Variants in PDCL2 observed in about 807,000 individuals in gnomAD.
PDCL2 encodes phosducin-like protein 2.
In PDCL2, 23 loss-of-function variants were observed where a neutral mutation model predicts 30.3. The observed-to-expected ratio is 0.76, with a 90% CI of 0.55 to 1.08. PDCL2 has a LOEUF of 1.08. Ranked by LOEUF, PDCL2 falls within the 50% of genes least tolerant of loss-of-function variation. The pLI is 0.00. For missense variants in PDCL2, 243 were observed against 282.3 expected (o/e 0.86, Z 1.00); for synonymous variants, 68 against 86.2 (o/e 0.79, Z 1.17).
chr4:55,591,401 T>G (rs1305386517), intron 1 of PDCL2, among the ~76,000 whole-genome samples: 2 of 152,006 alleles, frequency 1.3e-5, no homozygotes, highest in Non-Finnish European at 2.9e-5. Context: ...GTTTGTTTGT[T>G]TGTTCTGAGG....
chr4:55,573,644 C>T (rs990339569), intron 3 of PDCL2, among the ~76,000 whole-genome samples: 16 of 151,644 alleles, frequency 1.1e-4, no homozygotes, highest in Non-Finnish European at 1.8e-4. Flanking sequence ...CCAGCTACTC[C>T]AGAGACTGAG....
intron 5 of PDCL2, among the ~76,000 whole-genome samples, chr4:55,558,211 T>C (rs1732029686): frequency 6.6e-6 from 1 of 152,076 alleles, no homozygotes; most frequent in African/African-American, 2.4e-5. Flanking sequence ...AGTAGACACA[T>C]TCCTGATATG....
chr4:55,578,084 T>A (rs552714037), intron 3 of PDCL2, among the ~76,000 whole-genome samples: 3 of 152,300 alleles, frequency 2.0e-5, no homozygotes, highest in African/African-American at 4.8e-5. Flanking sequence ...GCCTGCATCT[T>A]CCCCGGAGTA....
At chr4:55,559,065 C>T (rs1560497946) in intron 5 of PDCL2, among the ~76,000 whole-genome samples, 1 of 152,124 alleles carries the variant, frequency 6.6e-6, no homozygotes, top group South Asian at 2.1e-4. Context: ...CACATTTAAA[C>T]AATGAAATGA....
chr4:55,578,079 CA>C (rs1384472716), intron 3 of PDCL2, among the ~76,000 whole-genome samples: 11 of 152,144 alleles, frequency 7.2e-5, no homozygotes, highest in African/African-American at 2.7e-4. Flanking sequence ...TTTGAGCCTG[CA>C]TCTTCCCCGG....
chr4:55,585,989 AT>A (rs898459507), intron 1 of PDCL2, among the ~76,000 whole-genome samples: 3 of 151,672 alleles, frequency 2.0e-5, no homozygotes, highest in Non-Finnish European at 2.9e-5. Context: ...GATTTTCTTG[AT>A]TTTTTCTATT....
chr4:55,558,513 A>G (rs1732043392), intron 5 of PDCL2, among the ~76,000 whole-genome samples: 1 of 152,198 alleles, frequency 6.6e-6, no homozygotes, highest in African/African-American at 2.4e-5. Flanking sequence ...CTGTGAGTCA[A>G]TTAAACCTCT....
At chr4:55,591,923 G>T (rs1285715640) in intron 1 of PDCL2, among the ~76,000 whole-genome samples, 181 bp downstream of exon 1, 3 of 152,184 alleles carry the variant, frequency 2.0e-5, no homozygotes, top group African/African-American at 7.2e-5. Context: ...AAAAAATGGC[G>T]TTCTCCTAGA....
At chr4:55,567,690 T>TA (rs1439378188) in intron 4 of PDCL2, among the ~76,000 whole-genome samples, 1 of 152,216 alleles carries the variant, frequency 6.6e-6, no homozygotes, top group Non-Finnish European at 1.5e-5. Flanking sequence ...TGCCAGTCAC[T>TA]AATCAATGTT....
At chr4:55,557,413 G>C (rs774027983) in intron 5 of PDCL2, among the ~76,000 whole-genome samples, 4 of 152,120 alleles carry the variant, frequency 2.6e-5, no homozygotes, top group Non-Finnish European at 5.9e-5. Flanking sequence ...GTGAGTTAGA[G>C]AAGGTGAGTG....
intron 5 of PDCL2, 97 bp downstream of exon 5, chr4:55,562,306 GA>G: frequency 1.3e-6 from 1 of 748,822 alleles, no homozygotes; most frequent in Non-Finnish European, 2.0e-6. Context: ...TAGAAGCAAG[GA>G]AAAAACCTTG....
At position 55,569,788 on chromosome 4, in the gene PDCL2, T is replaced by A. The variant is rs1732372862; in HGVS notation, c.292A>T (p.Asn98Tyr). ...KFGELREISG[N>Y]QYVNEVTNAE... ...TTTGTGACTTCATTCACATACTGAT[T>A]TCCAGAAATTTCTCTTAATTCTCCA... The change falls in exon 4 of 6, where the codon AAT becomes TAT. Residue 98 changes from asparagine (N) to tyrosine (Y), a missense_variant. Physicochemically the swap from Asn to Tyr is moderately radical, Grantham distance 143. Transcript: ENST00000295645. 1 of 1,564,062 alleles carries A rather than the reference T, an allele frequency of 6.4e-7. No individual in the cohort carries two copies. Among genetic ancestry groups the A allele is most frequent in the Admixed American group, 1.9e-5 (1 of 52,822 alleles).
At chr4:55,573,103 C>G (rs1002764142) in intron 3 of PDCL2, among the ~76,000 whole-genome samples, 1 of 152,102 alleles carries the variant, frequency 6.6e-6, no homozygotes, top group African/African-American at 2.4e-5. Flanking sequence ...TTCAAATCCC[C>G]GGTGAAATGT....
chr4:55,565,531 A>G (rs771533538), intron 4 of PDCL2, among the ~76,000 whole-genome samples: 5 of 152,182 alleles, frequency 3.3e-5, no homozygotes, highest in Admixed American at 6.6e-5. Flanking sequence ...GAACTCACTC[A>G]TTATCACAAG....
At chr4:55,592,065 T>C in intron 1 of PDCL2, 39 bp downstream of exon 1, 1 of 1,607,402 alleles carries the variant, frequency 6.2e-7, no homozygotes, top group African/African-American at 1.3e-5. Context: ...GGAGACCCAC[T>C]GGGTGTTCCA....
chr4:55,557,165 G>A (rs1015400965), intron 5 of PDCL2, among the ~76,000 whole-genome samples: 1 of 152,192 alleles, frequency 6.6e-6, no homozygotes, highest in Non-Finnish European at 1.5e-5. Flanking sequence ...CCGGGTGACA[G>A]TAAAAGTGCT....
At chr4:55,579,528 G>A (rs1732653108) in intron 3 of PDCL2, among the ~76,000 whole-genome samples, 1 of 152,104 alleles carries the variant, frequency 6.6e-6, no homozygotes, top group Non-Finnish European at 1.5e-5. Flanking sequence ...TGTTTGCCAG[G>A]CTGGTTTCAA....
chr4:55,574,246 C>T (rs375053124), intron 3 of PDCL2, among the ~76,000 whole-genome samples: 130 of 152,152 alleles, frequency 8.5e-4, no homozygotes, highest in South Asian at 6.7e-3. Context: ...TTTATGGTAT[C>T]GCTCTTTAAT....
chr4:55,588,520 G>T (rs143972269), intron 1 of PDCL2, among the ~76,000 whole-genome samples: 1 of 152,064 alleles, frequency 6.6e-6, no homozygotes, highest in African/African-American at 2.4e-5. Flanking sequence ...GATGTCTCCC[G>T]AAATGCAAGC....
Sources: gnomAD v4.1 joint callset for allele counts (sites outside exome capture counted in the v4.1 genomes callset) on GRCh38, gnomAD v4.1.1 for gene constraint, MANE v1.5 for transcripts, NCBI Gene and HGNC (gene_info 2026-07-23, HGNC 2026-07-21) for gene names.